Variants in SLC25A43 observed in about 807,000 individuals in gnomAD.
The protein encoded by SLC25A43 is solute carrier family 25 member 43, also known as solute carrier family 25, member 43.
SLC25A43 carries 10 observed loss-of-function variants against 22.8 expected under a neutral mutation model. That is an observed-to-expected ratio of 0.44 (90% CI 0.27 to 0.74). The LOEUF is 0.74. SLC25A43 is among the 30% of genes least tolerant of loss of function. The probability of loss-of-function intolerance (pLI) is 0.17; values close to 1 mark genes in which losing one functional copy is unlikely to be tolerated. For synonymous variants in SLC25A43, 106 were observed against 121.6 expected, an observed-to-expected ratio of 0.87 and a Z score of 0.84; for missense variants, 233 against 279.1, an observed-to-expected ratio of 0.83 and a Z score of 1.18.
At chrX:119,411,524 C>T (rs1024293263) in intron 3 of SLC25A43, among the ~76,000 whole-genome samples, 18 of 108,281 alleles carry the variant, frequency 1.7e-4, no homozygotes, top group Admixed American at 1.5e-3. Context: ...AAAAATGAGG[C>T]GGCATCTTAG....
rs1255040212 is a variant in SLC25A43 at position 119,410,554 on chromosome X, G to A, written c.690+192G>A. 5.4e-5 allele frequency among the ~76,000 whole-genome samples: 6 copies of A among 111,793 alleles called. No homozygotes were observed. The East Asian group carries it at 1.7e-3, about 31-fold the overall frequency. ...CCTCAGAGCTGTTGGCTTGAGCCCC[G>A]GCTGCCTCCTCATTCCCATCCTCTG... On this transcript the variant is annotated intron_variant, in intron 3 of 4. Transcript: ENST00000217909.
At chrX:119,426,268 G>A (rs989192838) in intron 3 of SLC25A43, 1 of 751,579 alleles carries the variant, frequency 1.3e-6, no homozygotes, top group Non-Finnish European at 1.6e-6. Flanking sequence ...TGTGAGCTTT[G>A]GATCCCAGCC....
rs1197360874 is a variant in SLC25A43 at position 119,453,293 on chromosome X, C to T, written c.*228C>T. Reference sequence around the variant, plus strand: ...AAGAGTGTATCATGATGGCATTCCACGAGATTTTATAACCAGAGTCTAGCA... The same window carrying T: ...AAGAGTGTATCATGATGGCATTCCATGAGATTTTATAACCAGAGTCTAGCA... On this transcript the variant is annotated 3_prime_UTR_variant, in exon 5 of 5. Coordinates refer to ENST00000217909, the MANE Select transcript of SLC25A43 (RefSeq NM_145305.3). 11 of 402,375 alleles carry T rather than the reference C, an allele frequency of 2.7e-5. No individual in the cohort carries two copies. The highest frequency in any genetic ancestry group is 4.1e-5 in the South Asian group (1 of 24,630). 33.2% of individuals were successfully genotyped at this position (402,375 alleles called of 1,213,427 possible). A position where few individuals can be genotyped will look rare whatever the true frequency, so the allele number is the denominator to read the frequency against.
intron 1 of SLC25A43, among the ~76,000 whole-genome samples, chrX:119,404,131 G>A (rs1333041786): frequency 9.1e-6 from 1 of 109,935 alleles, no homozygotes; most frequent in East Asian, 2.9e-4. Context: ...CTGAGTAACT[G>A]GGATTACAGG....
intron 3 of SLC25A43, among the ~76,000 whole-genome samples, chrX:119,410,942 GGCTTCTCTTT>G (rs936620134): frequency 1.8e-5 from 2 of 110,245 alleles, no homozygotes; most frequent in African/African-American, 6.6e-5. Flanking sequence ...CTCCAGATGA[GGCTTCTCTTT>G]TCTTTCCTGA....
intron 1 of SLC25A43, among the ~76,000 whole-genome samples, chrX:119,404,248 G>C (rs1407419269): frequency 9.0e-6 from 1 of 110,805 alleles, no homozygotes; most frequent in Admixed American, 9.6e-5. Context: ...TGATCTGCCT[G>C]CCTCGGCCTC....
intron 3 of SLC25A43, among the ~76,000 whole-genome samples, chrX:119,415,694 CAA>C (rs1381623252): frequency 1.2e-5 from 1 of 81,699 alleles, no homozygotes. Context: ...GACTCAGTCT[CAA>C]AAAAAAAAAA....
chrX:119,433,500 C>G (rs979073327), intron 3 of SLC25A43, among the ~76,000 whole-genome samples: 1 of 112,040 alleles, frequency 8.9e-6, no homozygotes, highest in African/African-American at 3.2e-5. Flanking sequence ...CACAGGGTGG[C>G]AGTGGGAAAT....
At chrX:119,431,884 T>C (rs2052556027) in intron 3 of SLC25A43, among the ~76,000 whole-genome samples, 1 of 110,793 alleles carries the variant, frequency 9.0e-6, no homozygotes. Flanking sequence ...CCAGGGGCGG[T>C]GGCTCATGCT....
intron 3 of SLC25A43, chrX:119,426,179 C>T: frequency 1.3e-6 from 1 of 754,454 alleles, no homozygotes; most frequent in Admixed American, 8.6e-5. Context: ...CTTTTTTCCA[C>T]AGAGCTGTTG....
At chrX:119,416,354 G>A (rs1373805107) in intron 3 of SLC25A43, among the ~76,000 whole-genome samples, 1 of 111,144 alleles carries the variant, frequency 9.0e-6, no homozygotes, top group East Asian at 2.8e-4. Context: ...CGAGTAGCTA[G>A]GACTGCAGGC....
At chrX:119,411,393 G>A (rs1384249738) in intron 3 of SLC25A43, among the ~76,000 whole-genome samples, 4 of 109,142 alleles carry the variant, frequency 3.7e-5, no homozygotes, top group East Asian at 2.9e-4. Flanking sequence ...CCAGCTACTC[G>A]AGAGGCTAAG....
At chrX:119,403,998 C>CTTT (rs138714378) in intron 1 of SLC25A43, among the ~76,000 whole-genome samples, 1 of 85,975 alleles carries the variant, frequency 1.2e-5, no homozygotes. Flanking sequence ...GCCTCCAGAA[C>CTTT]TTTTTTTTTT....
intron 3 of SLC25A43, chrX:119,423,395 G>A (rs994264760): frequency 1.0e-4 from 11 of 110,423 alleles, no homozygotes; most frequent in African/African-American, 3.3e-4. Context: ...CTGGCATGGT[G>A]GCACACGCCT....
chrX:119,451,992 C>T lies in SLC25A43; in HGVS notation c.691-17C>T, dbSNP rs372006462. ...TAATGTTTCAATCACCTCATCCCAGCTTCTGTTTCCTGTCAGGCTCAGAGC... is the reference window on the plus strand; with the variant it reads ...TAATGTTTCAATCACCTCATCCCAGTTTCTGTTTCCTGTCAGGCTCAGAGC... On this transcript the variant is annotated splice_polypyrimidine_tract_variant and intron_variant, in intron 3 of 4. Transcript: ENST00000217909. 1 of 1,210,348 alleles carries T rather than the reference C, an allele frequency of 8.3e-7. No homozygotes were observed.
intron 3 of SLC25A43, among the ~76,000 whole-genome samples, chrX:119,413,693 C>T (rs776111185): frequency 4.5e-4 from 44 of 98,268 alleles, no homozygotes; most frequent in African/African-American, 1.5e-3. Flanking sequence ...GGCGACAGAG[C>T]GAGACTCCAT....
chrX:119,402,090 A>G (rs1787955604), intron 1 of SLC25A43, among the ~76,000 whole-genome samples: 1 of 112,382 alleles, frequency 8.9e-6, no homozygotes, highest in Admixed American at 9.4e-5. Flanking sequence ...CTACATCAAC[A>G]TGATACTCTT....
chrX:119,426,482 C>T, intron 3 of SLC25A43: 1 of 115,147 alleles, frequency 8.7e-6, no homozygotes, highest in Middle Eastern at 2.2e-3. Flanking sequence ...CTTGAAGCAT[C>T]ACTTCAGAAT....
At chrX:119,441,488 C>T (rs2052622538) in intron 3 of SLC25A43, among the ~76,000 whole-genome samples, 1 of 110,952 alleles carries the variant, frequency 9.0e-6, no homozygotes, top group African/African-American at 3.3e-5. Context: ...CATCTTGGCT[C>T]CTCCCGCTTT....
Sources: allele counts gnomAD v4.1 joint callset (sites outside exome capture counted in the v4.1 genomes callset), GRCh38; gene constraint gnomAD v4.1.1; transcripts MANE v1.5; gene names NCBI Gene and HGNC (gene_info 2026-07-23, HGNC 2026-07-21).